The following MVB12B variants were observed in gnomAD, a reference collection of about 807,000 sequenced individuals.
MVB12B encodes the protein multivesicular body subunit 12B, also known as ESCRT-I complex subunit MVB12B.
In MVB12B, 16 loss-of-function variants were observed where a neutral mutation model predicts 41.6. The observed-to-expected ratio is 0.38, with a 90% confidence interval of 0.26 to 0.58. The LOEUF is 0.58. MVB12B is among the 20% of genes least tolerant of loss of function. The pLI, the probability that MVB12B is intolerant of heterozygous loss-of-function variation, is 0.62. For missense variants in MVB12B, 274 were observed against 380.2 expected, an observed-to-expected ratio of 0.72 and a Z score of 2.32; for synonymous variants, 133 against 139.7, an observed-to-expected ratio of 0.95 and a Z score of 0.34.
intron 2 of MVB12B, among the ~76,000 whole-genome samples, chr9:126,344,474 A>G (rs1010186677): frequency 3.9e-5 from 6 of 152,188 alleles, no homozygotes; most frequent in African/African-American, 9.7e-5. Flanking sequence ...AGGTGCTCAC[A>G]GTTCTTCAGC....
At chr9:126,469,927 T>C (rs1833276845) in intron 7 of MVB12B, among the ~76,000 whole-genome samples, 1 of 152,210 alleles carries the variant, frequency 6.6e-6, no homozygotes, top group African/African-American at 2.4e-5. Flanking sequence ...AAAAAATGTT[T>C]CTTTAATGTC....
chr9:126,338,599 A>T (rs1221605040), intron 1 of MVB12B, among the ~76,000 whole-genome samples: 1 of 151,030 alleles, frequency 6.6e-6, no homozygotes, highest in Non-Finnish European at 1.5e-5. Context: ...AACTTACCTC[A>T]CATGTTCTTT....
At chr9:126,379,743 G>A (rs1018520009) in intron 2 of MVB12B, among the ~76,000 whole-genome samples, 3 of 152,282 alleles carry the variant, frequency 2.0e-5, no homozygotes, top group South Asian at 4.1e-4. Flanking sequence ...GAGCGTGGCC[G>A]TGGTGGGCTC....
intron 3 of MVB12B, among the ~76,000 whole-genome samples, chr9:126,384,715 T>C (rs1443382861): frequency 6.6e-6 from 1 of 151,802 alleles, no homozygotes; most frequent in Non-Finnish European, 1.5e-5. Flanking sequence ...TTTTTTTAAG[T>C]AGAGACAGGG....
chr9:126,405,041 C>T (rs1208383170), intron 6 of MVB12B, among the ~76,000 whole-genome samples: 1 of 152,186 alleles, frequency 6.6e-6, no homozygotes, highest in Non-Finnish European at 1.5e-5. Context: ...TTTAATACAG[C>T]TTCTTGGGAA....
intron 2 of MVB12B, among the ~76,000 whole-genome samples, chr9:126,355,238 C>A (rs746327915): frequency 1.3e-5 from 2 of 152,140 alleles, no homozygotes; most frequent in Non-Finnish European, 2.9e-5. Flanking sequence ...TCCTTCTGAC[C>A]CCTGATGACC....
At position 126,326,974 on chromosome 9, in the gene MVB12B, GCCGCAGCCA is replaced by G. The variant is rs1169716303; in HGVS notation, c.50_58del (p.Gln17_Pro19del). On this transcript the variant is annotated inframe_deletion, in exon 1 of 10. Transcript: ENST00000361171. ...TGAGACGGAGCCGGGACCCGCCGCCGCCGCAGCCACCGCCGCCGCCGCCCCAGCGGGGAA... is the reference window on the plus strand; with the variant it reads ...TGAGACGGAGCCGGGACCCGCCGCCGCCGCCGCCGCCGCCCCAGCGGGGAA... 3.9e-6 allele frequency: 1 copy of G among 258,522 alleles called. No individual in the cohort carries two copies. The highest frequency in any genetic ancestry group is 7.8e-6 in the Non-Finnish European group (1 of 128,516). 16.0% of individuals were successfully genotyped at this position (258,522 alleles called of 1,614,324 possible). A position where few individuals can be genotyped will look rare whatever the true frequency, so the allele number is the denominator to read the frequency against.
chr9:126,471,321 G>A (rs542131797), intron 7 of MVB12B, among the ~76,000 whole-genome samples: 1 of 152,294 alleles, frequency 6.6e-6, no homozygotes, highest in East Asian at 1.9e-4. Flanking sequence ...AAAGCCATAC[G>A]GCCAACAAGC....
intron 2 of MVB12B, among the ~76,000 whole-genome samples, chr9:126,360,006 G>T (rs183559541): frequency 6.6e-6 from 1 of 152,156 alleles, no homozygotes; most frequent in African/African-American, 2.4e-5. Flanking sequence ...GTTTAAGGTG[G>T]AAGTTTTGGT....
At chr9:126,423,877 T>C (rs878923927) in intron 7 of MVB12B, among the ~76,000 whole-genome samples, 1 of 152,210 alleles carries the variant, frequency 6.6e-6, no homozygotes, top group Admixed American at 6.5e-5. Context: ...TATTGTGAAG[T>C]TAGGGTTTCC....
chr9:126,397,178 C>T (rs1831141106), intron 6 of MVB12B: 1 of 985,394 alleles, frequency 1.0e-6, no homozygotes, highest in African/African-American at 1.7e-5. Flanking sequence ...GTTACAGCTG[C>T]TCCCTGCTGA....
At chr9:126,454,150 T>C (rs778997076) in intron 7 of MVB12B, among the ~76,000 whole-genome samples, 4 of 152,214 alleles carry the variant, frequency 2.6e-5, no homozygotes, top group Non-Finnish European at 5.9e-5. Context: ...ATTTTCAAAC[T>C]TCAAAGATCA....
At chr9:126,500,704 G>A (rs1476833638) in intron 9 of MVB12B, among the ~76,000 whole-genome samples, 5 of 152,192 alleles carry the variant, frequency 3.3e-5, no homozygotes, top group Non-Finnish European at 7.3e-5. Context: ...TATCCACGCC[G>A]TAGGCCCTCA....
At chr9:126,352,675 G>A (rs1046753491) in intron 2 of MVB12B, among the ~76,000 whole-genome samples, 3 of 152,146 alleles carry the variant, frequency 2.0e-5, no homozygotes, top group African/African-American at 4.8e-5. Flanking sequence ...GAGTCTTCTG[G>A]TGTTTGTTTG....
chr9:126,349,254 C>T (rs1829682986), intron 2 of MVB12B, among the ~76,000 whole-genome samples: 2 of 152,074 alleles, frequency 1.3e-5, no homozygotes, highest in African/African-American at 2.4e-5. Flanking sequence ...GCAGGGGAAT[C>T]GTGTCCTGGA....
chr9:126,428,348 G>A lies in MVB12B; in HGVS notation c.757+6400G>A, dbSNP rs551958866. On this transcript the variant is annotated intron_variant, in intron 7 of 9. Transcript: ENST00000361171. ...ATGATTTATATATTTCATCCAATTGGATAAAATTTCTGCCACCAGCTTTTC... is the reference window on the plus strand; with the variant it reads ...ATGATTTATATATTTCATCCAATTGAATAAAATTTCTGCCACCAGCTTTTC... Among the ~76,000 whole-genome samples the A allele has an allele frequency of 1.9e-4, 29 of 151,998 alleles. No homozygotes were observed. In the South Asian group the frequency reaches 5.8e-3, roughly 30 times the overall value.
intron 7 of MVB12B, among the ~76,000 whole-genome samples, chr9:126,476,223 G>A (rs1833416283): frequency 6.6e-6 from 1 of 152,248 alleles, no homozygotes. Context: ...TCACTAAGGT[G>A]TTACCGCTGA....
At chr9:126,400,794 G>A (rs1165706865) in intron 6 of MVB12B, among the ~76,000 whole-genome samples, 1 of 152,174 alleles carries the variant, frequency 6.6e-6, no homozygotes, top group Non-Finnish European at 1.5e-5. Context: ...GGCTCAGAGG[G>A]GCCTCCCACA....
chr9:126,447,962 T>C (rs141504524), intron 7 of MVB12B: 3 of 152,580 alleles, frequency 2.0e-5, no homozygotes, highest in African/African-American at 7.2e-5. Context: ...AGTTCCATGG[T>C]GCTCCTGTCC....
Sources: allele counts gnomAD v4.1 joint callset (sites outside exome capture counted in the v4.1 genomes callset), GRCh38; gene constraint gnomAD v4.1.1; transcripts MANE v1.5; gene names NCBI Gene and HGNC (gene_info 2026-07-23, HGNC 2026-07-21).